The following MSANTD3 variants were observed in gnomAD, a reference collection of about 807,000 sequenced individuals.
MSANTD3 encodes Myb/SANT DNA binding domain containing 3, also known as myb/SANT-like DNA-binding domain-containing protein 3.
In MSANTD3, 11 loss-of-function variants were observed where a neutral mutation model predicts 27.7. That is an observed-to-expected ratio of 0.40 (90% CI 0.25 to 0.66). The LOEUF (loss-of-function observed/expected upper bound fraction) is 0.66. Among genes scored for constraint, MSANTD3 ranks in the 30% least tolerant of loss-of-function variants. MSANTD3 has a pLI of 0.41. For missense variants in MSANTD3, 250 were observed against 336.5 expected, an observed-to-expected ratio of 0.74 and a Z score of 2.01; for synonymous variants, 131 against 127.2, an observed-to-expected ratio of 1.03 and a Z score of -0.20.
chr9:100,449,516 G>C (rs1377144661), intron 2 of MSANTD3, among the ~76,000 whole-genome samples: 3 of 152,150 alleles, frequency 2.0e-5, no homozygotes, highest in African/African-American at 7.2e-5. Context: ...AGTAGGAGTT[G>C]GGGTGAGGTT....
At position 100,441,448 on chromosome 9, in the gene MSANTD3, A is replaced by G. The variant is rs544784012; in HGVS notation, c.-33-458A>G. ...CAGTAGTTCGAGACCAGCCTGCCCA[A>G]CATGGTGAAACCCTGTCTCTACCAA... On this transcript the variant is annotated intron_variant, in intron 1 of 2. Transcript: ENST00000395067. Among the ~76,000 whole-genome samples, 2 of 151,640 alleles carry G rather than the reference A, an allele frequency of 1.3e-5. 1 individual carries two copies. The highest frequency in any genetic ancestry group is 4.8e-5 in the African/African-American group (2 of 41,362).
intron 1 of MSANTD3, 92 bp from the exon 2 acceptor site, chr9:100,441,814 C>G: frequency 7.4e-7 from 1 of 1,350,532 alleles, no homozygotes; most frequent in East Asian, 2.4e-5. Flanking sequence ...GTATTTCAGA[C>G]AAGGGAATCA....
chr9:100,440,590 A>ATT (rs71370998), intron 1 of MSANTD3, among the ~76,000 whole-genome samples: 72 of 135,296 alleles, frequency 5.3e-4, no homozygotes, highest in Non-Finnish European at 7.6e-4. Flanking sequence ...AAAACGTCAA[A>ATT]TTTTTTTTTT....
intron 2 of MSANTD3, among the ~76,000 whole-genome samples, chr9:100,446,799 A>G (rs1836764291): frequency 6.6e-6 from 1 of 151,230 alleles, no homozygotes; most frequent in Non-Finnish European, 1.5e-5. Context: ...TGCACTCCAG[A>G]CTGGGTGACA....
intron 1 of MSANTD3, among the ~76,000 whole-genome samples, chr9:100,438,980 G>A (rs1836541755): frequency 6.6e-6 from 1 of 152,186 alleles, no homozygotes; most frequent in South Asian, 2.1e-4. Context: ...CTTTGCTCAG[G>A]ATCTGAGGGC....
intron 1 of MSANTD3, among the ~76,000 whole-genome samples, chr9:100,437,391 A>G (rs1836500806): frequency 6.6e-6 from 1 of 152,200 alleles, no homozygotes; most frequent in Non-Finnish European, 1.5e-5. Flanking sequence ...AGCAGAGCAG[A>G]GAGGAGCATG....
intron 1 of MSANTD3, among the ~76,000 whole-genome samples, chr9:100,430,567 G>A (rs1836351352): frequency 6.6e-6 from 1 of 152,138 alleles, no homozygotes; most frequent in South Asian, 2.1e-4. Context: ...TTTACAAGGA[G>A]GCCTGTGGCT....
chr9:100,435,723 G>A (rs1232260425), intron 1 of MSANTD3, among the ~76,000 whole-genome samples: 1 of 152,096 alleles, frequency 6.6e-6, no homozygotes, highest in Non-Finnish European at 1.5e-5. Flanking sequence ...AGGGTAGCAG[G>A]GCACGCCAGC....
chr9:100,441,453 G>A (rs1158250904), intron 1 of MSANTD3, among the ~76,000 whole-genome samples: 2 of 151,322 alleles, frequency 1.3e-5, no homozygotes, highest in African/African-American at 2.4e-5. Context: ...GCCCAACATG[G>A]TGAAACCCTG....
chr9:100,427,896 C>T (rs570812240), intron 1 of MSANTD3, among the ~76,000 whole-genome samples: 1 of 152,132 alleles, frequency 6.6e-6, no homozygotes, highest in East Asian at 1.9e-4. Context: ...CTTGGGAAAG[C>T]TCCTTTACTC....
intron 2 of MSANTD3, among the ~76,000 whole-genome samples, chr9:100,446,422 C>T (rs1275969565): frequency 2.0e-5 from 3 of 152,136 alleles, no homozygotes; most frequent in African/African-American, 7.2e-5. Flanking sequence ...AACGCGCTTG[C>T]ATATCCTTTT....
chr9:100,442,090 C>T lies in MSANTD3; in HGVS notation c.152C>T (p.Ala51Val), dbSNP rs139409577. ...GCCCTTAAGCAGCGTACCTGGCAGG[C>T]GCTGGCCCACGAATACAACTCTCAG... ...TIALKQRTWQALAHEYNSQPS... is the reference protein window; with the variant it reads ...TIALKQRTWQVLAHEYNSQPS... Residue 51 changes from alanine (A) to valine (V), a missense_variant, in exon 2 of 3, where the codon GCG becomes GTG. Physicochemically the swap from Ala to Val is moderately conservative, Grantham distance 64 (BLOSUM62 0). This residue lies in a region of MSANTD3 where 235 missense variants were observed against 299.3 expected (regional missense o/e 0.79). Transcript: ENST00000395067. The T allele has an allele frequency of 1.6e-5, 25 of 1,612,130 alleles. No individual in the cohort carries two copies. The highest frequency in any genetic ancestry group is 4.4e-5 in the South Asian group (4 of 90,952).
At chr9:100,435,611 G>T (rs1439196693) in intron 1 of MSANTD3, among the ~76,000 whole-genome samples, 1 of 152,218 alleles carries the variant, frequency 6.6e-6, no homozygotes. Context: ...TGGCAAGTTA[G>T]ATTTCATCCT....
At chr9:100,434,167 C>G (rs1836426424) in intron 1 of MSANTD3, among the ~76,000 whole-genome samples, 1 of 152,324 alleles carries the variant, frequency 6.6e-6, no homozygotes, top group African/African-American at 2.4e-5. Flanking sequence ...CTACCTGCCT[C>G]TGCTTTCTGT....
chr9:100,446,077 T>C (rs1450396337), intron 2 of MSANTD3, among the ~76,000 whole-genome samples: 2 of 152,168 alleles, frequency 1.3e-5, no homozygotes, highest in African/African-American at 4.8e-5. Flanking sequence ...TAGGAGTGGC[T>C]GGGAGGCTAG....
At chr9:100,443,147 C>T (rs1836669321) in intron 2 of MSANTD3, among the ~76,000 whole-genome samples, 1 of 152,086 alleles carries the variant, frequency 6.6e-6, no homozygotes, top group East Asian at 1.9e-4. Flanking sequence ...TGCCTGTAAT[C>T]CCAGCACTTT....
intron 2 of MSANTD3, chr9:100,448,716 T>G: frequency 7.1e-6 from 7 of 985,414 alleles, no homozygotes; most frequent in Non-Finnish European, 8.4e-6. Flanking sequence ...ACAAGTGTTC[T>G]GCCAGAGGTA....
intron 2 of MSANTD3, among the ~76,000 whole-genome samples, chr9:100,446,209 C>T (rs1836747730): frequency 6.6e-6 from 1 of 152,140 alleles, no homozygotes; most frequent in South Asian, 2.1e-4. Context: ...TAACTGTGAA[C>T]ATTTCTTAAT....
At chr9:100,445,254 A>T in intron 2 of MSANTD3, 2 of 1,423,850 alleles carry the variant, frequency 1.4e-6, no homozygotes, top group Non-Finnish European at 2.0e-6. Flanking sequence ...AATCTGCTAT[A>T]GAGTTATGGC....
Sources: gnomAD v4.1 joint callset for allele counts (sites outside exome capture counted in the v4.1 genomes callset) on GRCh38, gnomAD v4.1.1 for gene constraint, gnomAD v4.1.1 regional missense constraint, MANE v1.5 for transcripts, NCBI Gene and HGNC (gene_info 2026-07-23, HGNC 2026-07-21) for gene names.